Variants in LTBP1 observed in about 807,000 individuals in gnomAD.
LTBP1 encodes the protein latent-transforming growth factor beta-binding protein 1.
LTBP1 carries 129 observed loss-of-function variants against 207.6 expected under a neutral mutation model. The observed-to-expected ratio is 0.62, with a 90% confidence interval of 0.54 to 0.72. The LOEUF (loss-of-function observed/expected upper bound fraction) is 0.72, where lower values mean the gene tolerates loss of function less well. Among genes scored for constraint, LTBP1 ranks in the 30% least tolerant of loss-of-function variants. The pLI, the probability that LTBP1 is intolerant of heterozygous loss-of-function variation, is 0.00. For synonymous variants in LTBP1, 963 were observed against 833.7 expected (o/e 1.16, Z -2.67); for missense variants, 2,281 against 2,217.2 (o/e 1.03, Z -0.58).
chr2:33,342,988 C>G (rs79463530), intron 25 of LTBP1, 25 bp downstream of exon 25: 4 of 1,603,318 alleles, frequency 2.5e-6, no homozygotes, highest in Non-Finnish European at 3.4e-6. Flanking sequence ...TTTTTCCCAA[C>G]GTGTTTCACA....
At chr2:33,158,249 A>T (rs767096449) in intron 5 of LTBP1, among the ~76,000 whole-genome samples, 12 of 152,146 alleles carry the variant, frequency 7.9e-5, no homozygotes, top group Non-Finnish European at 1.6e-4. Flanking sequence ...GAATGAATAC[A>T]TTGTGTTGTG....
intron 3 of LTBP1, among the ~76,000 whole-genome samples, chr2:33,035,730 C>T (rs560366044): frequency 1.4e-4 from 21 of 152,282 alleles, no homozygotes; most frequent in South Asian, 6.2e-4. Flanking sequence ...GGGTATAATT[C>T]TACGTTCACG....
At chr2:32,953,746 A>T (rs902701357) in intron 2 of LTBP1, among the ~76,000 whole-genome samples, 5 of 152,046 alleles carry the variant, frequency 3.3e-5, no homozygotes, top group Non-Finnish European at 7.4e-5. Flanking sequence ...TGTTGAAAAG[A>T]CCTTTGACAA....
chr2:33,221,366 A>G (rs143339839), intron 8 of LTBP1, among the ~76,000 whole-genome samples: 3,128 of 152,338 alleles, frequency 0.021, 52 homozygotes, highest in Non-Finnish European at 0.033. Flanking sequence ...CACTTCTGCC[A>G]CATCCCAGAA....
chr2:33,084,381 G>C (rs2078625307), intron 3 of LTBP1, among the ~76,000 whole-genome samples: 1 of 152,264 alleles, frequency 6.6e-6, no homozygotes, highest in South Asian at 2.1e-4. Context: ...ACAGGGTTCT[G>C]GGGGTTGGGA....
At chr2:33,231,353 C>G (rs1203030797) in intron 9 of LTBP1, among the ~76,000 whole-genome samples, 1 of 152,164 alleles carries the variant, frequency 6.6e-6, no homozygotes, top group Non-Finnish European at 1.5e-5. Flanking sequence ...TCAGCCTAGG[C>G]TCCTTTTAGA....
chr2:33,100,991 T>C (rs538131056), intron 3 of LTBP1, among the ~76,000 whole-genome samples: 1 of 152,342 alleles, frequency 6.6e-6, no homozygotes, highest in Non-Finnish European at 1.5e-5. Context: ...TTATGAATAA[T>C]GCTGCAGTGA....
chr2:33,040,630 C>G (rs2076138779), intron 3 of LTBP1, among the ~76,000 whole-genome samples: 1 of 152,212 alleles, frequency 6.6e-6, no homozygotes, highest in Non-Finnish European at 1.5e-5. Context: ...TGCTCCTTTT[C>G]TGCTCCACAC....
intron 2 of LTBP1, among the ~76,000 whole-genome samples, chr2:32,985,219 A>G (rs1420261708): frequency 2.6e-5 from 4 of 152,160 alleles, no homozygotes; most frequent in South Asian, 2.1e-4. Flanking sequence ...ATCTTTATCA[A>G]TTGGTGGGTT....
chr2:33,368,053 A>G (rs112297461), intron 31 of LTBP1, among the ~76,000 whole-genome samples: 7,609 of 152,138 alleles, frequency 0.05, 195 homozygotes, highest in African/African-American at 0.066. Context: ...TGTCTCTACT[A>G]AAAAATAGCC....
At chr2:33,312,116 A>G (rs1453501356) in intron 23 of LTBP1, among the ~76,000 whole-genome samples, 1 of 152,120 alleles carries the variant, frequency 6.6e-6, no homozygotes, top group Non-Finnish European at 1.5e-5. Context: ...CAGTTTTGTG[A>G]TCTTTCACTC....
At chr2:33,130,596 C>A (rs534627298) in intron 4 of LTBP1, among the ~76,000 whole-genome samples, 2 of 152,056 alleles carry the variant, frequency 1.3e-5, no homozygotes, top group East Asian at 3.9e-4. Context: ...CTTTTTATCA[C>A]GGGAGGAGGG....
chr2:32,949,640 G>T (rs1222973998), intron 2 of LTBP1, among the ~76,000 whole-genome samples: 1 of 152,176 alleles, frequency 6.6e-6, no homozygotes, highest in East Asian at 1.9e-4. Flanking sequence ...TCTTCTTGAC[G>T]AATTGATGCT....
At chr2:33,259,490 G>T in intron 12 of LTBP1, 98 bp from the exon 13 acceptor site, 1 of 827,992 alleles carries the variant, frequency 1.2e-6, no homozygotes, top group Non-Finnish European at 1.9e-6. Context: ...TAATCCTTTT[G>T]CAGAGATAAT....
intron 23 of LTBP1, among the ~76,000 whole-genome samples, chr2:33,311,395 T>C (rs765827791): frequency 9.9e-5 from 15 of 152,162 alleles, no homozygotes; most frequent in Non-Finnish European, 1.5e-4. Context: ...TTTTTTCCAA[T>C]GCAGAAATTA....
chr2:33,330,549 G>T (rs1414684991), intron 24 of LTBP1, among the ~76,000 whole-genome samples: 1 of 150,632 alleles, frequency 6.6e-6, no homozygotes, highest in Non-Finnish European at 1.5e-5. Flanking sequence ...GTTTGCTAAT[G>T]TTCTTTATCA....
chr2:33,287,882 G>A (rs759167922), intron 19 of LTBP1, among the ~76,000 whole-genome samples: 51 of 152,142 alleles, frequency 3.4e-4, no homozygotes, highest in Non-Finnish European at 4.3e-4. Context: ...CACACTGGCT[G>A]GACCAACATC....
At chr2:33,048,657 T>C (rs2149480456) in intron 3 of LTBP1, among the ~76,000 whole-genome samples, 1 of 152,342 alleles carries the variant, frequency 6.6e-6, no homozygotes, top group Middle Eastern at 3.4e-3. Flanking sequence ...TGCCAGAAGA[T>C]CTGCAGCCTT....
At chr2:33,327,080 G>A (rs1177598296) in intron 24 of LTBP1, among the ~76,000 whole-genome samples, 1 of 152,136 alleles carries the variant, frequency 6.6e-6, no homozygotes, top group Non-Finnish European at 1.5e-5. Flanking sequence ...ACGTTTGAAA[G>A]GACATGTGGA....
Sources: allele counts gnomAD v4.1 joint callset (sites outside exome capture counted in the v4.1 genomes callset), GRCh38; gene constraint gnomAD v4.1.1; transcripts MANE v1.5; gene names NCBI Gene and HGNC (gene_info 2026-07-23, HGNC 2026-07-21).